The following FAM187B variants were observed in gnomAD, a reference collection of about 807,000 sequenced individuals.
The protein encoded by FAM187B is protein FAM187B.
In FAM187B, 22 loss-of-function variants were observed where a neutral mutation model predicts 22.6. The ratio of observed to expected loss-of-function variants is 0.97; its 90% CI spans 0.70 to 1.39. FAM187B has a LOEUF of 1.39. Ranked by LOEUF, FAM187B falls within the 40% of genes most tolerant of loss-of-function variation. The probability of loss-of-function intolerance (pLI) is 0.00; values close to 1 mark genes in which losing one functional copy is unlikely to be tolerated. For synonymous variants in FAM187B, 192 were observed against 201.8 expected, an observed-to-expected ratio of 0.95 and a Z score of 0.41; for missense variants, 433 against 462.1, an observed-to-expected ratio of 0.94 and a Z score of 0.58.
Position 35,228,528 on chromosome 19 carries a change from C to A in FAM187B, c.153G>T (p.Trp51Cys), listed in dbSNP as rs2065669312. ...LLYCNSSGAH[W>C]YYLFTQGKKG... is the part of the protein sequence containing the mutation. ...TCTTGCCTTGTGTGAATAAATAGTA[C>A]CAGTGCGCCCCCGAGGAGTTGCAAT... The change falls in exon 1 of 2, where the codon TGG (tryptophan) becomes TGT (cysteine). Residue 51 changes from tryptophan to cysteine, a missense_variant. Physicochemically the swap from Trp to Cys is radical, Grantham distance 215 (BLOSUM62 -2). Coordinates refer to ENST00000324675, the MANE Select transcript of FAM187B (RefSeq NM_152481.2). 6.2e-7 allele frequency: 1 copy of A among 1,614,126 alleles called. No individual in the cohort carries two copies. Among genetic ancestry groups the A allele is most frequent in the Non-Finnish European group, 8.5e-7 (1 of 1,180,022 alleles).
Position 35,228,282 on chromosome 19 carries a change from C to T in FAM187B, c.399G>A (p.Leu133=), listed in dbSNP as rs754767013. ...LGQRPLQNET[L]HLGSKQLIFT... is the part of the protein sequence containing the mutation. ...AAATGAGCTGTTTGCTGCCCAAATG[C>T]AGGGTCTCGTTCTGCAGGGGCCTCT... Residue 133 remains leucine, a synonymous_variant, in exon 1 of 2, where the codon CTG becomes CTA. Coordinates refer to ENST00000324675, the MANE Select transcript of FAM187B (RefSeq NM_152481.2). 1.4e-5 allele frequency: 22 copies of T among 1,614,114 alleles called. No individual in the cohort carries two copies. The highest frequency in any genetic ancestry group is 1.7e-5 in the Non-Finnish European group (20 of 1,180,058).
intron 1 of FAM187B, among the ~76,000 whole-genome samples, chr19:35,227,101 AAGG>A (rs2065663800): frequency 6.6e-6 from 1 of 152,192 alleles, no homozygotes; most frequent in African/African-American, 2.4e-5. Flanking sequence ...AGCTAGAAAA[AAGG>A]AGGATTCTGC....
Position 35,228,265 on chromosome 19 carries a change from T to G in FAM187B, c.416A>C (p.Gln139Pro). Residue 139 changes from glutamine (Q) to proline (P), a missense_variant, in exon 1 of 2, where the codon CAG (glutamine) becomes CCG (proline). Physicochemically the swap from Gln to Pro is moderately conservative, Grantham distance 76 (BLOSUM62 -1). Coordinates refer to ENST00000324675, the MANE Select transcript of FAM187B (RefSeq NM_152481.2). ...GGGCTCCCACCAGGTAAAAATGAGC[T>G]GTTTGCTGCCCAAATGCAGGGTCTC... The part of the protein sequence containing the change: ...QNETLHLGSK[Q>P]LIFTWWEPWQ... 6.2e-7 allele frequency: 1 copy of G among 1,614,228 alleles called. No individual in the cohort carries two copies. The highest frequency in any genetic ancestry group is 8.5e-7 in the Non-Finnish European group (1 of 1,180,042).
In FAM187B at chr19:35,228,422, G is replaced by C. The variant is rs1394055794; in HGVS notation, c.259C>G (p.Pro87Ala). 7 of 1,614,152 alleles carry C rather than the reference G, an allele frequency of 4.3e-6. No individual in the cohort carries two copies. Among genetic ancestry groups the C allele is most frequent in the South Asian group, 1.1e-5 (1 of 91,086 alleles). The change falls in exon 1 of 2, where the codon CCC becomes GCC. Residue 87 changes from proline to alanine, a missense_variant. Transcript: ENST00000324675. ...CAGTGGTAGAGGCCCGTCTGGGAGGGCAATGGATCTTTAATGAGAAGGCTG... is the reference window on the plus strand; with the variant it reads ...CAGTGGTAGAGGCCCGTCTGGGAGGCCAATGGATCTTTAATGAGAAGGCTG... ...EGSLLIKDPLPSQTGLYHCWN... is the reference protein window; with the variant it reads ...EGSLLIKDPLASQTGLYHCWN...
chr19:35,228,317 C>T lies in FAM187B; in HGVS notation c.364G>A (p.Asp122Asn), dbSNP rs1452188843. ...DVTTLHITHK[D>N]LGQRPLQNET... ...TTCTGCAGGGGCCTCTGACCCAGGTCCTTGTGTGTTATATGCAGGGTGGTG... is the reference window on the plus strand; with the variant it reads ...TTCTGCAGGGGCCTCTGACCCAGGTTCTTGTGTGTTATATGCAGGGTGGTG... The change falls in exon 1 of 2, where the codon GAC becomes AAC. Residue 122 changes from aspartate to asparagine, a missense_variant. Asp to Asn is a conservative substitution (Grantham distance 23). Coordinates refer to ENST00000324675, the MANE Select transcript of FAM187B (RefSeq NM_152481.2). The T allele has an allele frequency of 1.2e-6, 2 of 1,614,212 alleles. No homozygotes were observed. The highest frequency in any genetic ancestry group is 1.7e-6 in the Non-Finnish European group (2 of 1,180,038).
intron 1 of FAM187B, among the ~76,000 whole-genome samples, chr19:35,227,239 CAG>C (rs2065664220): frequency 6.6e-6 from 1 of 151,978 alleles, no homozygotes; most frequent in South Asian, 2.1e-4. Flanking sequence ...TTTTTTGAGT[CAG>C]AGTTGTCTCG....
chr19:35,224,815 G>C lies in FAM187B; in HGVS notation c.*10C>G. On this transcript the variant is annotated 3_prime_UTR_variant, in exon 2 of 2. Transcript: ENST00000324675. ...GGAGGCCGGGTCCGCTTGTGCACCG[G>C]GGGCTCGCTTTATTTCACCACCAGC... 6.3e-7 allele frequency: 1 copy of C among 1,596,066 alleles called. No individual in the cohort carries two copies. Among genetic ancestry groups the C allele is most frequent in the Non-Finnish European group, 8.5e-7 (1 of 1,169,728 alleles).
chr19:35,226,596 C>T lies in FAM187B; in HGVS notation c.722+1363G>A, dbSNP rs28673075. On this transcript the variant is annotated intron_variant, in intron 1 of 1. Transcript: ENST00000324675. ...TTGGCATATAAATATGCAGTGAACA[C>T]GTGTTTAGTGGAGAAATGAATCAGG... Among the ~76,000 whole-genome samples, 923 of 152,282 alleles carry T rather than the reference C, an allele frequency of 6.1e-3. 13 individuals are homozygous for T. Among genetic ancestry groups the T allele is most frequent in the African/African-American group, 0.021 (865 of 41,542 alleles).
At position 35,225,012 on chromosome 19, in the gene FAM187B, T is replaced by C. The variant is rs367615942; in HGVS notation, c.923A>G (p.Gln308Arg). 1.8e-5 allele frequency: 29 copies of C among 1,613,630 alleles called. No homozygotes were observed. In the African/African-American group the frequency reaches 3.6e-4, roughly 20 times the overall value. ...PAASLETLEA[Q>R]WRENDAQWRE... The stretch of plus-strand genomic sequence containing the variant: ...CCACTGGGCATCGTTCTCTCTCCAC[T>C]GAGCCTCCAGCGTCTCCAGACTGGC... The change falls in exon 2 of 2, where the codon CAG becomes CGG. Residue 308 changes from glutamine to arginine, a missense_variant. Physicochemically the swap from Gln to Arg is conservative, Grantham distance 43 (BLOSUM62 1). Coordinates refer to ENST00000324675, the MANE Select transcript of FAM187B (RefSeq NM_152481.2).
intron 1 of FAM187B, among the ~76,000 whole-genome samples, chr19:35,227,333 C>T (rs2065664580): frequency 6.6e-6 from 1 of 152,092 alleles, no homozygotes; most frequent in Non-Finnish European, 1.5e-5. Flanking sequence ...GATTCTCCTG[C>T]GTCAGCCTCC....
chr19:35,226,148 C>T (rs1185846216), intron 1 of FAM187B, among the ~76,000 whole-genome samples: 1 of 152,132 alleles, frequency 6.6e-6, no homozygotes, highest in Non-Finnish European at 1.5e-5. Context: ...TTCCCAGCAT[C>T]CCTTCCTGCT....
At chr19:35,227,674 T>C (rs1379394102) in intron 1 of FAM187B, among the ~76,000 whole-genome samples, 4 of 152,204 alleles carry the variant, frequency 2.6e-5, no homozygotes, top group Admixed American at 6.5e-5. Flanking sequence ...CTCCAAGGTC[T>C]CACTGACCTT....
intron 1 of FAM187B, among the ~76,000 whole-genome samples, chr19:35,226,926 A>G (rs915003287): frequency 6.6e-6 from 1 of 152,182 alleles, no homozygotes; most frequent in African/African-American, 2.4e-5. Flanking sequence ...AGCATATTGG[A>G]ATAAGGTGGG....
Position 35,228,095 on chromosome 19 carries a change from G to A in FAM187B, c.586C>T (p.Leu196=). ...TGGACGTGGCAGGCTTCCACCTGCA[G>A]CTCAGGCCGCAAGCGGCTAGACCAC... ...LVWSSRLRPE[L]QVEACHVQCT... The change falls in exon 1 of 2, where the codon CTG becomes TTG. Residue 196 remains leucine (L), a synonymous_variant. Coordinates refer to ENST00000324675, the MANE Select transcript of FAM187B (RefSeq NM_152481.2). 5.0e-6 allele frequency: 8 copies of A among 1,614,236 alleles called. No individual in the cohort carries two copies. Among genetic ancestry groups the A allele is most frequent in the Non-Finnish European group, 6.8e-6 (8 of 1,180,040 alleles).
Position 35,226,832 on chromosome 19 carries a change from G to A in FAM187B, c.722+1127C>T, listed in dbSNP as rs28418599. Among the ~76,000 whole-genome samples, 1,044 of 152,308 alleles carry A rather than the reference G, an allele frequency of 6.9e-3. 15 individuals carry two copies. Among genetic ancestry groups the A allele is most frequent in the African/African-American group, 0.024 (987 of 41,568 alleles). On this transcript the variant is annotated intron_variant, in intron 1 of 1. Coordinates refer to ENST00000324675, the MANE Select transcript of FAM187B (RefSeq NM_152481.2). The stretch of plus-strand genomic sequence containing the variant: ...TGCACTGAGTTAGACAGTGGCCCCC[G>A]CAAAATGCATGTCCTTCCCAGAACC...
In FAM187B at chr19:35,228,074, C is replaced by A. The variant is rs546777214; in HGVS notation, c.607G>T (p.Val203Phe). 1.2e-6 allele frequency: 2 copies of A among 1,614,246 alleles called. No individual in the cohort carries two copies. Among genetic ancestry groups the A allele is most frequent in the East Asian group, 4.5e-5 (2 of 44,890 alleles). Reference sequence around the variant, plus strand: ...AACTGTGTGTTATTGGTGCACTGGACGTGGCAGGCTTCCACCTGCAGCTCA... The same window carrying A: ...AACTGTGTGTTATTGGTGCACTGGAAGTGGCAGGCTTCCACCTGCAGCTCA... The part of the protein sequence containing the change: ...RPELQVEACH[V>F]QCTNNTQLRV... Residue 203 changes from valine (V) to phenylalanine (F), a missense_variant, in exon 1 of 2, where the codon GTC becomes TTC. Transcript: ENST00000324675.
chr19:35,226,204 T>G (rs1453575003), intron 1 of FAM187B, among the ~76,000 whole-genome samples: 1 of 151,576 alleles, frequency 6.6e-6, no homozygotes, highest in Non-Finnish European at 1.5e-5. Flanking sequence ...TGGCTCAGGT[T>G]TGTAATCCCA....
In FAM187B at chr19:35,228,437, T is replaced by G. The variant is rs2065668995; in HGVS notation, c.244A>C (p.Ile82Leu). 21 of 1,614,062 alleles carry G rather than the reference T, an allele frequency of 1.3e-5. No individual in the cohort carries two copies. In the East Asian group the frequency reaches 4.7e-4, roughly 36 times the overall value. The change falls in exon 1 of 2, where the codon ATT becomes CTT. Residue 82 changes from isoleucine to leucine, a missense_variant. Transcript: ENST00000324675. Reference protein sequence around the residue: ...MEIMPEGSLLIKDPLPSQTGL... With the variant: ...MEIMPEGSLLLKDPLPSQTGL... The stretch of plus-strand genomic sequence containing the variant: ...GTCTGGGAGGGCAATGGATCTTTAA[T>G]GAGAAGGCTGCCCTCGGGCATTATT...
chr19:35,228,709 G>A lies in FAM187B; in HGVS notation c.-29C>T. 1.9e-6 allele frequency: 3 copies of A among 1,574,996 alleles called. No individual in the cohort carries two copies. Among genetic ancestry groups the A allele is most frequent in the South Asian group, 2.4e-5 (2 of 84,898 alleles). ...GGACTGGGGCTGTGGCAGTGGGCTGGTGCCACCCCGAACATTGTGAGGTCA... is the reference window on the plus strand; with the variant it reads ...GGACTGGGGCTGTGGCAGTGGGCTGATGCCACCCCGAACATTGTGAGGTCA... On this transcript the variant is annotated 5_prime_UTR_variant, in exon 1 of 2. Coordinates refer to ENST00000324675, the MANE Select transcript of FAM187B (RefSeq NM_152481.2).
Sources: allele counts gnomAD v4.1 joint callset (sites outside exome capture counted in the v4.1 genomes callset), GRCh38; gene constraint gnomAD v4.1.1; transcripts MANE v1.5; gene names NCBI Gene and HGNC (gene_info 2026-07-23, HGNC 2026-07-21).